Variants in ITSN2 observed in about 807,000 individuals in gnomAD.
The protein encoded by ITSN2 is intersectin-2.
Under a neutral mutation model 243.7 loss-of-function variants are expected in ITSN2, and 156 were observed. That is an observed-to-expected ratio of 0.64 (90% confidence interval 0.56 to 0.73). The LOEUF is 0.73. Among genes scored for constraint, ITSN2 ranks in the 30% least tolerant of loss-of-function variants. The probability of loss-of-function intolerance (pLI) is 0.00; values close to 1 mark genes in which losing one functional copy is unlikely to be tolerated. For missense variants in ITSN2, 1,801 were observed against 1,996.1 expected, an observed-to-expected ratio of 0.90 and a Z score of 1.86; for synonymous variants, 703 against 699.9, an observed-to-expected ratio of 1.00 and a Z score of -0.07.
chr2:24,296,720 T>C (rs143969063), intron 13 of ITSN2, among the ~76,000 whole-genome samples: 214 of 152,354 alleles, frequency 1.4e-3, no homozygotes, highest in African/African-American at 5.1e-3. Context: ...TTAAGCCACC[T>C]AGCCTATCGT....
At chr2:24,305,050 T>C (rs541216212) in intron 8 of ITSN2, among the ~76,000 whole-genome samples, 39 of 152,320 alleles carry the variant, frequency 2.6e-4, no homozygotes, top group African/African-American at 8.7e-4. Flanking sequence ...CTCTCTTATA[T>C]CCTTGGAGTT....
intron 37 of ITSN2, chr2:24,205,825 A>G (rs1291285977): frequency 6.1e-6 from 1 of 164,850 alleles, no homozygotes; most frequent in Admixed American, 5.7e-5. Flanking sequence ...GGCATGTGCT[A>G]GACTTATGTA....
At chr2:24,343,266 C>T (rs1687215943) in intron 1 of ITSN2, among the ~76,000 whole-genome samples, 1 of 151,822 alleles carries the variant, frequency 6.6e-6, no homozygotes, top group Admixed American at 6.6e-5. Flanking sequence ...AGTGAAAGTC[C>T]ATTACCAAGA....
chr2:24,359,703 A>C (rs955991739), intron 1 of ITSN2, among the ~76,000 whole-genome samples: 1 of 152,120 alleles, frequency 6.6e-6, no homozygotes. Flanking sequence ...TGCTTCCTGT[A>C]TATTCTGGAA....
At chr2:24,347,819 C>T (rs1687684053) in intron 1 of ITSN2, among the ~76,000 whole-genome samples, 1 of 151,676 alleles carries the variant, frequency 6.6e-6, no homozygotes, top group African/African-American at 2.4e-5. Flanking sequence ...TGTTTGTAAT[C>T]CTAGCGCTTT....
intron 29 of ITSN2, among the ~76,000 whole-genome samples, chr2:24,235,979 T>G (rs1261138011): frequency 6.6e-6 from 1 of 152,222 alleles, no homozygotes; most frequent in Non-Finnish European, 1.5e-5. Flanking sequence ...CCATTTGACC[T>G]GGGAATTCTA....
chr2:24,353,546 C>A (rs1688199181), intron 1 of ITSN2, among the ~76,000 whole-genome samples: 1 of 152,144 alleles, frequency 6.6e-6, no homozygotes, highest in South Asian at 2.1e-4. Context: ...TGAGATCCCG[C>A]CACTGCACTC....
At chr2:24,312,834 AAGAAGGAGCAGGG>A (rs1333445107) in intron 4 of ITSN2, among the ~76,000 whole-genome samples, 4 of 152,160 alleles carry the variant, frequency 2.6e-5, no homozygotes, top group Admixed American at 1.3e-4. Context: ...AGTTTCTTTA[AAGAAGGAGCAGGG>A]GAAGCGAGGA....
chr2:24,284,639 A>G, intron 17 of ITSN2, 124 bp downstream of exon 17: 2 of 578,620 alleles, frequency 3.5e-6, no homozygotes, highest in Non-Finnish European at 6.3e-6. Context: ...AGAAAGAAAA[A>G]GGCTTATATT....
chr2:24,205,765 G>C (rs1668801793), intron 37 of ITSN2: 1 of 172,112 alleles, frequency 5.8e-6, no homozygotes, highest in Non-Finnish European at 1.3e-5. Context: ...CATGGTATTT[G>C]TGCAGCACTT....
chr2:24,326,869 G>C (rs2151834088), intron 2 of ITSN2, among the ~76,000 whole-genome samples: 1 of 152,250 alleles, frequency 6.6e-6, no homozygotes, highest in East Asian at 1.9e-4. Flanking sequence ...ACAATGTAAT[G>C]ATTTGGTCCT....
At chr2:24,339,436 A>T (rs1380715501) in intron 1 of ITSN2, among the ~76,000 whole-genome samples, 3 of 149,368 alleles carry the variant, frequency 2.0e-5, no homozygotes, top group Non-Finnish European at 4.4e-5. Context: ...GCGCCACTGC[A>T]CTCCAGCCTG....
Position 24,332,064 on chromosome 2 carries a change from T to C in ITSN2, c.-33-3949A>G, listed in dbSNP as rs538315146. On this transcript the variant is annotated intron_variant, in intron 1 of 39. Transcript: ENST00000355123. ...TTCAAGACCAGCCTGACCAACATGG[T>C]GAAACCCCATCTCTACTAAAAATAC... 2.6e-3 allele frequency among the ~76,000 whole-genome samples: 391 copies of C among 152,182 alleles called. 2 individuals are homozygous for C. The highest frequency in any genetic ancestry group is 4.6e-3 in the Non-Finnish European group (311 of 67,988).
Position 24,328,076 on chromosome 2 carries a change from C to T in ITSN2, c.7G>A (p.Ala3Thr), listed in dbSNP as rs1254439072. The T allele has an allele frequency of 1.9e-6, 3 of 1,613,800 alleles. No homozygotes were observed. In the African/African-American group the frequency reaches 4.0e-5, roughly 22 times the overall value. The change falls in exon 2 of 40, where the codon GCT becomes ACT. Residue 3 changes from alanine to threonine, a missense_variant. Ala to Thr is a moderately conservative substitution (Grantham distance 58). Around this residue, in one of 5 missense-constraint regions of ITSN2, gnomAD observed 77 missense variants for 90.1 expected, o/e 0.85. Transcript: ENST00000355123. Reference protein sequence around the residue: MMAQFPTAMNGGP... With the variant: MMTQFPTAMNGGP... The stretch of plus-strand genomic sequence containing the variant: ...CCATTCATAGCTGTGGGAAACTGAG[C>T]CATCATGGTCCTGAGTTTTCCTTGC...
At chr2:24,256,709 T>C (rs932962209) in intron 23 of ITSN2, among the ~76,000 whole-genome samples, 1 of 151,952 alleles carries the variant, frequency 6.6e-6, no homozygotes, top group Non-Finnish European at 1.5e-5. Context: ...GCAGCTACTA[T>C]GCATGAGGAT....
rs770754200 is a variant in ITSN2, at chr2:24,295,802, A to C, written c.1497T>G (p.Asn499Lys). Residue 499 changes from asparagine (N) to lysine (K), a missense_variant and splice_region_variant, in exon 14 of 40, where the codon AAT becomes AAG. Asn to Lys is a moderately conservative substitution (Grantham distance 94). Transcript: ENST00000355123. ...TGCCTGAGATCTGCTGATGTTTGCC[A>C]TTCTATAGGAAGATCATATAAATAT... The part of the protein sequence containing the change: ...KNLHLELEAL[N>K]GKHQQISGRL... The C allele has an allele frequency of 1.3e-6, 2 of 1,527,492 alleles. No homozygotes were observed. The highest frequency in any genetic ancestry group is 1.7e-6 in the Non-Finnish European group (2 of 1,146,502). 94.6% of individuals were successfully genotyped at this position (1,527,492 alleles called of 1,614,324 possible).
intron 15 of ITSN2, among the ~76,000 whole-genome samples, chr2:24,291,513 C>A (rs769259686): frequency 8.2e-6 from 1 of 122,582 alleles, no homozygotes; most frequent in Non-Finnish European, 1.6e-5. Flanking sequence ...TTTTTTGAGA[C>A]GGAGTCTCGC....
chr2:24,306,626 T>C (rs923676471), intron 8 of ITSN2, among the ~76,000 whole-genome samples: 6 of 152,184 alleles, frequency 3.9e-5, no homozygotes, highest in African/African-American at 7.2e-5. Flanking sequence ...GTTGTGAACA[T>C]TTTTGTAAAT....
intron 32 of ITSN2, among the ~76,000 whole-genome samples, chr2:24,214,794 T>G (rs1669812335): frequency 6.6e-6 from 1 of 152,194 alleles, no homozygotes; most frequent in African/African-American, 2.4e-5. Context: ...ATCTTTATAT[T>G]TTATTCTTAC....
Sources: allele counts gnomAD v4.1 joint callset (sites outside exome capture counted in the v4.1 genomes callset), GRCh38; gene constraint gnomAD v4.1.1; regional missense constraint gnomAD v4.1.1; transcripts MANE v1.5; gene names NCBI Gene and HGNC (gene_info 2026-07-23, HGNC 2026-07-21).